The following WDR7 variants were observed in gnomAD, a reference collection of about 807,000 sequenced individuals.
WDR7 encodes WD repeat domain 7, also known as WD repeat-containing protein 7.
A neutral mutation model predicts 169.4 loss-of-function variants in WDR7; 46 were observed. The ratio of observed to expected loss-of-function variants is 0.27; its 90% CI spans 0.21 to 0.35. The LOEUF (loss-of-function observed/expected upper bound fraction) is 0.35, where lower values mean the gene tolerates loss of function less well. Ranked by LOEUF, WDR7 falls within the 10% of genes least tolerant of loss-of-function variation. The pLI, the probability that WDR7 is intolerant of heterozygous loss-of-function variation, is 1.00. For synonymous variants in WDR7, 612 were observed against 666.8 expected (o/e 0.92, Z 1.27); for missense variants, 1,534 against 1,859.3 (o/e 0.83, Z 3.22).
intron 20 of WDR7, among the ~76,000 whole-genome samples, chr18:56,827,692 A>G (rs1324746475): frequency 6.6e-6 from 1 of 152,156 alleles, no homozygotes; most frequent in East Asian, 1.9e-4. Context: ...ATTTAAAGAT[A>G]AGTAAAAGAG....
chr18:56,706,234 A>G (rs1169928793), intron 12 of WDR7, among the ~76,000 whole-genome samples: 2 of 152,250 alleles, frequency 1.3e-5, no homozygotes, highest in Admixed American at 6.5e-5. Flanking sequence ...TCTTAGAAAA[A>G]AAGAACAAAC....
At chr18:56,735,886 C>G (rs886951412) in intron 14 of WDR7, among the ~76,000 whole-genome samples, 1 of 152,068 alleles carries the variant, frequency 6.6e-6, no homozygotes, top group African/African-American at 2.4e-5. Context: ...TTTGCCGACC[C>G]CTACATCAGA....
intron 22 of WDR7, among the ~76,000 whole-genome samples, chr18:56,931,003 G>T (rs532284316): frequency 6.6e-6 from 1 of 152,154 alleles, no homozygotes; most frequent in East Asian, 1.9e-4. Context: ...TGAAGGGGGA[G>T]CTCAGGCTGC....
chr18:56,832,856 T>G (rs1460062067), intron 20 of WDR7, among the ~76,000 whole-genome samples: 1 of 152,012 alleles, frequency 6.6e-6, no homozygotes, highest in Non-Finnish European at 1.5e-5. Flanking sequence ...AACACCAAAG[T>G]AGATAAATCC....
chr18:56,705,486 A>T (rs1234534674), intron 12 of WDR7, among the ~76,000 whole-genome samples: 3 of 152,212 alleles, frequency 2.0e-5, no homozygotes, highest in African/African-American at 7.2e-5. Flanking sequence ...ATGATATTTG[A>T]ATATATTAGT....
At chr18:56,720,139 C>G (rs1386662825) in intron 13 of WDR7, among the ~76,000 whole-genome samples, 2 of 152,130 alleles carry the variant, frequency 1.3e-5, no homozygotes, top group African/African-American at 2.4e-5. Context: ...TTGCAAGACA[C>G]TGTATTAAAA....
At chr18:56,935,744 T>G (rs1222147525) in intron 22 of WDR7, 44 bp from the exon 23 acceptor site, 2 of 1,572,616 alleles carry the variant, frequency 1.3e-6, no homozygotes, top group African/African-American at 2.7e-5. Flanking sequence ...TCCATATTTC[T>G]AATGCTTCTT....
At chr18:56,673,459 G>A (rs986364077) in intron 2 of WDR7, among the ~76,000 whole-genome samples, 3 of 152,044 alleles carry the variant, frequency 2.0e-5, no homozygotes, top group Non-Finnish European at 4.4e-5. Context: ...TTCTTAGTAC[G>A]TTCATAAAGT....
At chr18:57,013,974 G>A (rs2048173054) in intron 26 of WDR7, among the ~76,000 whole-genome samples, 1 of 152,174 alleles carries the variant, frequency 6.6e-6, no homozygotes, top group African/African-American at 2.4e-5. Context: ...AGGCTGCATA[G>A]GGTTATGAGA....
rs377506543 is a variant in WDR7, at chr18:56,976,217, C to T, written c.4164+13688C>T. 9.2e-5 allele frequency among the ~76,000 whole-genome samples: 14 copies of T among 152,134 alleles called. No homozygotes were observed. In the East Asian group the frequency reaches 2.3e-3, roughly 25 times the overall value. Reference sequence around the variant, plus strand: ...AAATAGCAAGCAGATTTTGATCAACCTTAAAATACAGCATGTTAAATATAT... The same window carrying T: ...AAATAGCAAGCAGATTTTGATCAACTTTAAAATACAGCATGTTAAATATAT... On this transcript the variant is annotated intron_variant, in intron 26 of 27. Coordinates refer to ENST00000254442, the MANE Select transcript of WDR7 (RefSeq NM_015285.3).
At chr18:56,747,515 A>G (rs2043723595) in intron 14 of WDR7, among the ~76,000 whole-genome samples, 4 of 152,204 alleles carry the variant, frequency 2.6e-5, no homozygotes, top group Admixed American at 2.6e-4. Context: ...ACCCACACCC[A>G]GTGGGCCCTG....
At chr18:56,877,295 T>G (rs2046036733) in intron 20 of WDR7, among the ~76,000 whole-genome samples, 1 of 152,138 alleles carries the variant, frequency 6.6e-6, no homozygotes, top group Non-Finnish European at 1.5e-5. Context: ...TCAAACTAAA[T>G]AAGGAGCTAT....
chr18:56,734,296 A>G (rs894976602), intron 14 of WDR7, among the ~76,000 whole-genome samples: 1 of 152,102 alleles, frequency 6.6e-6, no homozygotes, highest in Non-Finnish European at 1.5e-5. Context: ...ACTGTAGACC[A>G]TGATAACTCA....
chr18:56,846,899 TC>T (rs1316984988), intron 20 of WDR7, among the ~76,000 whole-genome samples: 1 of 152,216 alleles, frequency 6.6e-6, no homozygotes, highest in African/African-American at 2.4e-5. Flanking sequence ...CTTGGGTATT[TC>T]TTTATAACAA....
At chr18:56,948,983 AC>A (rs2047144049) in intron 25 of WDR7, among the ~76,000 whole-genome samples, 1 of 150,842 alleles carries the variant, frequency 6.6e-6, no homozygotes, top group African/African-American at 2.4e-5. Flanking sequence ...TCTTGTAAAA[AC>A]CCTTCCTTCT....
chr18:56,673,114 G>T (rs992446020), intron 2 of WDR7, among the ~76,000 whole-genome samples: 2 of 151,910 alleles, frequency 1.3e-5, no homozygotes, highest in African/African-American at 4.8e-5. Flanking sequence ...AGTGTGCTCT[G>T]CTTCCAGGGC....
chr18:56,790,700 C>T (rs1254990733), intron 19 of WDR7, among the ~76,000 whole-genome samples: 1 of 151,694 alleles, frequency 6.6e-6, no homozygotes, highest in East Asian at 1.9e-4. Flanking sequence ...GTGATATTGT[C>T]CTAATGATAT....
chr18:56,721,083 A>G (rs2026310317), intron 13 of WDR7, among the ~76,000 whole-genome samples: 1 of 152,040 alleles, frequency 6.6e-6, no homozygotes, highest in Non-Finnish European at 1.5e-5. Context: ...AAAAAATCAG[A>G]TTCAGCCAGG....
intron 7 of WDR7, among the ~76,000 whole-genome samples, chr18:56,689,463 T>A (rs1426289668): frequency 6.6e-6 from 1 of 152,176 alleles, no homozygotes; most frequent in Non-Finnish European, 1.5e-5. Flanking sequence ...TTTCACCTTG[T>A]TGCTCAGGCT....
Sources: allele counts gnomAD v4.1 joint callset (sites outside exome capture counted in the v4.1 genomes callset), GRCh38; gene constraint gnomAD v4.1.1; transcripts MANE v1.5; gene names NCBI Gene and HGNC (gene_info 2026-07-23, HGNC 2026-07-21).